RANBP17: variants seen among roughly 807,000 people sequenced by gnomAD.
RANBP17 encodes RAN binding protein 17, also known as ran-binding protein 17.
RANBP17 carries 158 observed loss-of-function variants against 141.2 expected under a neutral mutation model. The ratio of observed to expected loss-of-function variants is 1.12; its 90% CI spans 0.98 to 1.28. RANBP17 has a LOEUF of 1.28. Among genes scored for constraint, RANBP17 ranks in the 50% most tolerant of loss-of-function variants. RANBP17 has a pLI of 0.00. For missense variants in RANBP17, 1,438 were observed against 1,290.7 expected (o/e 1.11, Z -1.75); for synonymous variants, 430 against 450.0 (o/e 0.96, Z 0.56).
At chr5:171,001,347 A>C (rs1779189124) in intron 14 of RANBP17, among the ~76,000 whole-genome samples, 1 of 152,198 alleles carries the variant, frequency 6.6e-6, no homozygotes, top group South Asian at 2.1e-4. Flanking sequence ...TAAAAGAAGG[A>C]GAAAAATAGG....
At chr5:171,003,875 T>G (rs1195002801) in intron 14 of RANBP17, among the ~76,000 whole-genome samples, 1 of 152,022 alleles carries the variant, frequency 6.6e-6, no homozygotes, top group African/African-American at 2.4e-5. Flanking sequence ...AAAGCATCTT[T>G]AAGATCAAGA....
chr5:170,887,587 T>G (rs902666962), intron 3 of RANBP17, among the ~76,000 whole-genome samples: 1 of 152,234 alleles, frequency 6.6e-6, no homozygotes, highest in Non-Finnish European at 1.5e-5. Context: ...TGTTACTCCC[T>G]TTGCTCCTTT....
At chr5:170,950,221 C>T (rs1775095524) in intron 12 of RANBP17, among the ~76,000 whole-genome samples, 1 of 151,832 alleles carries the variant, frequency 6.6e-6, no homozygotes, top group African/African-American at 2.4e-5. Flanking sequence ...AGGCAACAAA[C>T]ATAAAAATAG....
At chr5:171,287,852 A>G (rs1768267447) in intron 25 of RANBP17, among the ~76,000 whole-genome samples, 1 of 152,062 alleles carries the variant, frequency 6.6e-6, no homozygotes, top group Admixed American at 6.6e-5. Context: ...GGTTCATATC[A>G]TCACTTTAGC....
rs943868149 is a variant in RANBP17 at position 170,938,112 on chromosome 5, G to A, written c.1468+13562G>A. On this transcript the variant is annotated intron_variant, in intron 12 of 27. Coordinates refer to ENST00000523189, the MANE Select transcript of RANBP17 (RefSeq NM_022897.5). ...GATCAAAAAGTGAACTTTAATCGGG[G>A]TGGGACGGGTCAAACAGCAAACAAG... Among the ~76,000 whole-genome samples, 36 of 152,126 alleles carry A rather than the reference G, an allele frequency of 2.4e-4. 1 individual carries two copies. Among genetic ancestry groups the A allele is most frequent in the Non-Finnish European group, 5.9e-5 (4 of 68,032 alleles).
chr5:170,996,511 T>A (rs151081413), intron 14 of RANBP17, among the ~76,000 whole-genome samples: 8 of 152,258 alleles, frequency 5.3e-5, no homozygotes, highest in African/African-American at 1.9e-4. Context: ...ATGAAGAAAG[T>A]TTTCTGTTCT....
intron 1 of RANBP17, among the ~76,000 whole-genome samples, chr5:170,863,007 C>T (rs1204936135): frequency 6.6e-6 from 1 of 152,174 alleles, no homozygotes; most frequent in Non-Finnish European, 1.5e-5. Flanking sequence ...CTTTAAGATT[C>T]TTTGAGCCTC....
chr5:171,046,307 C>G (rs1307255892), intron 14 of RANBP17, among the ~76,000 whole-genome samples: 1 of 149,182 alleles, frequency 6.7e-6, no homozygotes, highest in Admixed American at 6.8e-5. Context: ...CTCCTGGGTT[C>G]AAGCGATTCT....
intron 24 of RANBP17, among the ~76,000 whole-genome samples, chr5:171,260,251 A>C (rs1342939049): frequency 6.7e-6 from 1 of 149,916 alleles, no homozygotes; most frequent in Non-Finnish European, 1.5e-5. Context: ...CAGTGAGCCG[A>C]GATCACGCCA....
At chr5:171,059,647 G>T (rs1195995654) in intron 14 of RANBP17, among the ~76,000 whole-genome samples, 4 of 148,270 alleles carry the variant, frequency 2.7e-5, no homozygotes, top group Non-Finnish European at 3.0e-5. Flanking sequence ...GGCAATGCGG[G>T]CTCTTTTTTG....
intron 13 of RANBP17, among the ~76,000 whole-genome samples, chr5:170,956,783 A>C (rs900922574): frequency 2.6e-5 from 4 of 150,956 alleles, no homozygotes; most frequent in Non-Finnish European, 4.4e-5. Flanking sequence ...CAAGCAGGGA[A>C]ATAAACGACT....
chr5:170,909,633 T>G (rs1561879543), intron 5 of RANBP17, 28 bp from the exon 6 acceptor site: 2 of 1,114,050 alleles, frequency 1.8e-6, no homozygotes, highest in African/African-American at 1.6e-5. Context: ...TAGGTCTGGT[T>G]AAACTAATTT....
intron 14 of RANBP17, among the ~76,000 whole-genome samples, chr5:171,042,291 A>G (rs1170911873): frequency 6.6e-6 from 1 of 152,100 alleles, no homozygotes; most frequent in Non-Finnish European, 1.5e-5. Context: ...GGACCTAACT[A>G]TATAGTTATA....
At chr5:171,218,369 G>A (rs756690550) in intron 21 of RANBP17, among the ~76,000 whole-genome samples, 1 of 152,174 alleles carries the variant, frequency 6.6e-6, no homozygotes, top group Admixed American at 6.5e-5. Context: ...ATATTCTGTC[G>A]ATTTGGGGTG....
At chr5:171,011,617 C>T (rs2127591253) in intron 14 of RANBP17, among the ~76,000 whole-genome samples, 1 of 152,088 alleles carries the variant, frequency 6.6e-6, no homozygotes, top group Non-Finnish European at 1.5e-5. Flanking sequence ...TTTATGCATA[C>T]ATATGATATA....
At chr5:171,065,790 A>G (rs1561614498) in intron 14 of RANBP17, among the ~76,000 whole-genome samples, 1 of 152,128 alleles carries the variant, frequency 6.6e-6, no homozygotes, top group East Asian at 1.9e-4. Context: ...ACCTTGGAGT[A>G]GTTCTACCCT....
At chr5:171,291,468 G>T (rs968053184) in intron 25 of RANBP17, among the ~76,000 whole-genome samples, 1 of 152,174 alleles carries the variant, frequency 6.6e-6, no homozygotes, top group Non-Finnish European at 1.5e-5. Flanking sequence ...CCCAGCTCAC[G>T]CAGCCATTCC....
At chr5:171,159,937 A>G (rs911203029) in intron 14 of RANBP17, among the ~76,000 whole-genome samples, 47 of 151,002 alleles carry the variant, frequency 3.1e-4, no homozygotes, top group South Asian at 2.7e-3. Flanking sequence ...AAAAAAAAAA[A>G]AAAAGAAAAA....
intron 14 of RANBP17, among the ~76,000 whole-genome samples, chr5:171,096,153 T>C (rs1339881186): frequency 6.6e-6 from 1 of 152,092 alleles, no homozygotes; most frequent in Non-Finnish European, 1.5e-5. Flanking sequence ...TATTGACAAA[T>C]ATCTGCATAT....
Sources: gnomAD v4.1 joint callset for allele counts (sites outside exome capture counted in the v4.1 genomes callset) on GRCh38, gnomAD v4.1.1 for gene constraint, MANE v1.5 for transcripts, NCBI Gene and HGNC (gene_info 2026-07-23, HGNC 2026-07-21) for gene names.